The following PSMA6 variants were observed in gnomAD, a reference collection of about 807,000 sequenced individuals.
PSMA6 encodes proteasome 20S subunit alpha 6.
For missense variants in PSMA6, 170 were observed against 294.8 expected (o/e 0.58, Z 3.10); for synonymous variants, 88 against 97.7 (o/e 0.90, Z 0.59).
chr14:35,297,639 G>A (rs1409078352), intron 1 of PSMA6, among the ~76,000 whole-genome samples: 3 of 152,132 alleles, frequency 2.0e-5, no homozygotes, highest in Non-Finnish European at 4.4e-5. Context: ...AATTATGGGT[G>A]GAAAAAGTCT....
intron 1 of PSMA6, among the ~76,000 whole-genome samples, chr14:35,296,407 TG>T (rs1256170072): frequency 4.6e-5 from 7 of 152,310 alleles, no homozygotes; most frequent in Admixed American, 3.3e-4. Flanking sequence ...CTCAGCTCAC[TG>T]CAACCTCTGC....
At chr14:35,309,662 C>T (rs1189129775) in intron 3 of PSMA6, among the ~76,000 whole-genome samples, 2 of 152,096 alleles carry the variant, frequency 1.3e-5, no homozygotes, top group African/African-American at 4.8e-5. Flanking sequence ...CATGGTGGCG[C>T]ACGCACACCT....
At chr14:35,282,162 T>C (rs1371296722) in intron 1 of PSMA6, among the ~76,000 whole-genome samples, 1 of 152,252 alleles carries the variant, frequency 6.6e-6, no homozygotes, top group Non-Finnish European at 1.5e-5. Context: ...AAACAGCTTA[T>C]TCATAATAGT....
At position 35,292,476 on chromosome 14, in the gene PSMA6, C is replaced by T. The variant is rs374237363; in HGVS notation, c.-1C>T. 1.9e-6 allele frequency: 3 copies of T among 1,613,496 alleles called. No individual in the cohort carries two copies. In the African/African-American group the frequency reaches 4.0e-5, roughly 22 times the overall value. ...GTGTTTAAAGTAGTGCTTCTACCAACATGTCCCGTGGTTCCAGCGCCGGTT... is the reference window on the plus strand; with the variant it reads ...GTGTTTAAAGTAGTGCTTCTACCAATATGTCCCGTGGTTCCAGCGCCGGTT... On this transcript the variant is annotated 5_prime_UTR_variant, in exon 1 of 7. Coordinates refer to ENST00000261479, the MANE Select transcript of PSMA6 (RefSeq NM_002791.3).
intron 1 of PSMA6, among the ~76,000 whole-genome samples, chr14:35,297,119 GTTTTTTTTTTT>G (rs924383407): frequency 2.9e-4 from 18 of 62,660 alleles, no homozygotes; most frequent in East Asian, 1.9e-3. Flanking sequence ...TCTTAACAAA[GTTTTTTTTTTT>G]TTTTTTTTTT....
chr14:35,314,906 G>A (rs1177675414), intron 6 of PSMA6: 2 of 151,432 alleles, frequency 1.3e-5, no homozygotes, highest in African/African-American at 4.9e-5. Flanking sequence ...TCTTTGGAAA[G>A]CCCAAATTTT....
At chr14:35,283,610 C>T (rs929382138) in intron 1 of PSMA6, among the ~76,000 whole-genome samples, 1 of 149,902 alleles carries the variant, frequency 6.7e-6, no homozygotes, top group African/African-American at 2.5e-5. Context: ...GGCTGGAGTG[C>T]CGTGATGCAA....
chr14:35,300,763 C>T (rs74043872), intron 1 of PSMA6, among the ~76,000 whole-genome samples: 5 of 152,012 alleles, frequency 3.3e-5, no homozygotes, highest in Non-Finnish European at 7.4e-5. Context: ...TTCTAGAGTA[C>T]GTTAAAGCAA....
chr14:35,297,119 GTTTTTTTTTTTTTTT>G (rs924383407), intron 1 of PSMA6, among the ~76,000 whole-genome samples: 8 of 62,656 alleles, frequency 1.3e-4, no homozygotes, highest in African/African-American at 5.0e-4. Context: ...TCTTAACAAA[GTTTTTTTTTTTTTTT>G]TTTTTTTTTT....
intron 5 of PSMA6, 95 bp from the exon 6 acceptor site, chr14:35,314,266 C>T: frequency 1.5e-6 from 2 of 1,300,052 alleles, no homozygotes; most frequent in Non-Finnish European, 2.0e-6. Context: ...AAACATGGAG[C>T]TCCTGATTGA....
chr14:35,291,381 C>G (rs950551564), upstream of PSMA6, among the ~76,000 whole-genome samples: 26 of 152,250 alleles, frequency 1.7e-4, no homozygotes, highest in African/African-American at 6.0e-4. Flanking sequence ...CCACGCCTGG[C>G]TAATTTTTTT....
chr14:35,286,531 C>T (rs4982254), intron 1 of PSMA6, among the ~76,000 whole-genome samples: 28,250 of 151,876 alleles, frequency 0.19, 3,128 homozygotes, highest in East Asian at 0.33. Flanking sequence ...CTTGGAAAAA[C>T]AAGAAATATC....
chr14:35,310,890 G>A lies in PSMA6; in HGVS notation c.404G>A (p.Gly135Asp). The change falls in exon 4 of 7, where the codon GGT becomes GAT. Residue 135 changes from glycine (G) to aspartate (D), a missense_variant. Physicochemically the swap from Gly to Asp is moderately conservative, Grantham distance 94. Transcript: ENST00000261479. ...CAGAATGCTGAAATGAGGCCTCTTG[G>A]TTGTTGTAAGTATGCTAAGAGGTCT... ...YTQNAEMRPLGCCMILIGIDE... is the reference protein window; with the variant it reads ...YTQNAEMRPLDCCMILIGIDE... 6.2e-7 allele frequency: 1 copy of A among 1,613,536 alleles called. No individual in the cohort carries two copies. Among genetic ancestry groups the A allele is most frequent in the East Asian group, 2.2e-5 (1 of 44,882 alleles).
In PSMA6 at chr14:35,298,922, CAG is replaced by C. The variant is rs528043159; in HGVS notation, c.76+6373_76+6374del. On this transcript the variant is annotated intron_variant, in intron 1 of 6. Coordinates refer to ENST00000261479, the MANE Select transcript of PSMA6 (RefSeq NM_002791.3). ...CTAATTTTTGCATTTTTAGTACAGA[CAG>C]AGTTTCACCATGTTGGCCAGGCTGG... Among the ~76,000 whole-genome samples, 64 of 152,168 alleles carry C rather than the reference CAG, an allele frequency of 4.2e-4. 1 individual carries two copies. Among genetic ancestry groups the C allele is most frequent in the Admixed American group, 3.2e-3 (49 of 15,260 alleles).
chr14:35,285,347 AC>A lies in PSMA6; in HGVS notation c.19+6630del, dbSNP rs1297044618. Among the ~76,000 whole-genome samples, 341 of 35,632 alleles carry A rather than the reference AC, an allele frequency of 9.6e-3. 11 individuals carry two copies. Among genetic ancestry groups the A allele is most frequent in the African/African-American group, 0.013 (283 of 21,714 alleles). The allele number at this position is 35,632 out of a possible 152,430, so 23.4% of individuals were successfully genotyped here. ...AGAGCAAAACTCTATCTCAAAAAAA[AC>A]AAAAAACAAAAAAAAAAACCGTAGC... On this transcript the variant is annotated intron_variant, in intron 1 of 6. Coordinates refer to the PSMA6 transcript ENST00000540871.
At chr14:35,287,440 C>T (rs2051431840), upstream of PSMA6, among the ~76,000 whole-genome samples, 1 of 152,104 alleles carries the variant, frequency 6.6e-6, no homozygotes, top group Non-Finnish European at 1.5e-5. Context: ...TATTCCCTGG[C>T]TCACTGAAAC....
chr14:35,311,122 T>TACA (rs2051936160), intron 4 of PSMA6: 1 of 409,288 alleles, frequency 2.4e-6, no homozygotes, highest in Non-Finnish European at 4.3e-6. Context: ...TCAAAGTATT[T>TACA]CCATTTGGTG....
At chr14:35,283,408 A>G (rs181744528) in intron 1 of PSMA6, among the ~76,000 whole-genome samples, 8 of 151,910 alleles carry the variant, frequency 5.3e-5, no homozygotes, top group African/African-American at 1.9e-4. Context: ...TACTTGGAGG[A>G]AAATGTCTGG....
chr14:35,296,610 T>G (rs6571710), intron 1 of PSMA6, among the ~76,000 whole-genome samples: 5 of 151,958 alleles, frequency 3.3e-5, no homozygotes, highest in East Asian at 1.9e-4. Context: ...ATTACAAGCG[T>G]GAGCCACCAT....
Sources: gnomAD v4.1 joint callset for allele counts (sites outside exome capture counted in the v4.1 genomes callset) on GRCh38, gnomAD v4.1.1 for gene constraint, MANE v1.5 for transcripts, NCBI Gene and HGNC (gene_info 2026-07-23, HGNC 2026-07-21) for gene names.